The following QSOX1 variants were observed in gnomAD, a reference collection of about 807,000 sequenced individuals.
QSOX1 encodes quiescin sulfhydryl oxidase 1.
Under a neutral mutation model 76.1 loss-of-function variants are expected in QSOX1, and 40 were observed. That is an observed-to-expected ratio of 0.53 (90% CI 0.41 to 0.68). QSOX1 has a LOEUF of 0.68. Among genes scored for constraint, QSOX1 ranks in the 30% least tolerant of loss-of-function variants. QSOX1 has a pLI of 0.00. For synonymous variants in QSOX1, 392 were observed against 413.1 expected, an observed-to-expected ratio of 0.95 and a Z score of 0.62; for missense variants, 931 against 974.3, an observed-to-expected ratio of 0.96 and a Z score of 0.59.
intron 2 of QSOX1, 152 bp from the exon 3 acceptor site, chr1:180,175,169 A>AAT: frequency 1.4e-6 from 1 of 706,350 alleles, no homozygotes; most frequent in Non-Finnish European, 2.4e-6. Context: ...AAAAAAAAAA[A>AAT]GAAAGAAAGA....
chr1:180,203,230 CAAG>C lies in QSOX1; in HGVS notation c.*6197_*6199del, dbSNP rs1284082920. 1 of 152,078 alleles carries C rather than the reference CAAG, an allele frequency of 6.6e-6. No homozygotes were observed. Among genetic ancestry groups the C allele is most frequent in the Non-Finnish European group, 1.5e-5 (1 of 68,034 alleles). The allele number at this position is 152,078 out of a possible 1,614,324, so 9.4% of individuals were successfully genotyped here. A position where few individuals can be genotyped will look rare whatever the true frequency, so the allele number is the denominator to read the frequency against. On this transcript the variant is annotated 3_prime_UTR_variant, in exon 12 of 12. Transcript: ENST00000367602. The stretch of plus-strand genomic sequence containing the variant: ...CATTTATTGACCTGATAAAATGTCC[CAAG>C]AAGGACACATTTTTATAAACATAAG...
At chr1:180,176,910 C>T (rs1488895221) in intron 4 of QSOX1, among the ~76,000 whole-genome samples, 1 of 152,212 alleles carries the variant, frequency 6.6e-6, no homozygotes, top group African/African-American at 2.4e-5. Flanking sequence ...AGACATGGCC[C>T]TGCTGAGAGA....
intron 2 of QSOX1, among the ~76,000 whole-genome samples, chr1:180,169,386 T>G (rs1307625429): frequency 6.6e-6 from 1 of 152,260 alleles, no homozygotes; most frequent in Non-Finnish European, 1.5e-5. Context: ...AGGGCAGGTC[T>G]TCTCTCTTCG....
rs144560523 is a variant in QSOX1 at position 180,175,334 on chromosome 1, T to C, written c.380T>C (p.Phe127Ser). 1.9e-6 allele frequency: 3 copies of C among 1,614,058 alleles called. No homozygotes were observed. The highest frequency in any genetic ancestry group is 2.5e-6 in the Non-Finnish European group (3 of 1,179,958). The change falls in exon 3 of 12, where the codon TTT (phenylalanine) becomes TCT (serine). Residue 127 changes from phenylalanine (F) to serine (S), a missense_variant. By Grantham distance (155) the Phe-to-Ser change is radical. Coordinates refer to ENST00000367602, the MANE Select transcript of QSOX1 (RefSeq NM_002826.5). ...GTTTGCTTCCAGTTCTTCAAGGCCT[T>C]TACCAAGAACGGCTCGGGAGCAGTA... ...GFPTVRFFKA[F>S]TKNGSGAVFP...
At chr1:180,173,979 C>T (rs896993517) in intron 2 of QSOX1, among the ~76,000 whole-genome samples, 4 of 152,190 alleles carry the variant, frequency 2.6e-5, no homozygotes, top group African/African-American at 7.2e-5. Context: ...AGTCCTTGAA[C>T]GAGGTCTGCC....
chr1:180,165,059 C>T (rs902176177), intron 1 of QSOX1, among the ~76,000 whole-genome samples: 4 of 152,228 alleles, frequency 2.6e-5, no homozygotes, highest in African/African-American at 7.2e-5. Flanking sequence ...ATACCTTTCA[C>T]TACCTAATCT....
chr1:180,186,815 T>C (rs1663186220), intron 8 of QSOX1, among the ~76,000 whole-genome samples: 1 of 152,278 alleles, frequency 6.6e-6, no homozygotes, highest in African/African-American at 2.4e-5. Flanking sequence ...TGCCATGCCT[T>C]CGTTCTGCCA....
At chr1:180,161,401 A>T (rs575258609) in intron 1 of QSOX1, among the ~76,000 whole-genome samples, 1 of 152,350 alleles carries the variant, frequency 6.6e-6, no homozygotes, top group African/African-American at 2.4e-5. Flanking sequence ...TTTCACCTGC[A>T]GTACCTATAG....
At position 180,201,569 on chromosome 1, in the gene QSOX1, A is replaced by C. The variant is rs1663639462; in HGVS notation, c.*4532A>C. ...AACTAAACCAAACTTCAAGAGGAGC[A>C]ATTTAATCTTCATACCTGACTCCTT... is the stretch of plus-strand genomic sequence containing the variant. On this transcript the variant is annotated 3_prime_UTR_variant, in exon 12 of 12. Transcript: ENST00000367602. 1 of 152,250 alleles carries C rather than the reference A, an allele frequency of 6.6e-6. No individual in the cohort carries two copies. Among genetic ancestry groups the C allele is most frequent in the African/African-American group, 2.4e-5 (1 of 41,442 alleles). 9.4% of individuals were successfully genotyped at this position (152,250 alleles called of 1,614,324 possible).
At chr1:180,195,538 C>T (rs375321314) in intron 11 of QSOX1, among the ~76,000 whole-genome samples, 19 of 152,332 alleles carry the variant, frequency 1.2e-4, no homozygotes, top group African/African-American at 4.3e-4. Flanking sequence ...GGCAACACTG[C>T]GTGAGGGGCT....
chr1:180,165,759 C>G (rs1662600821), intron 1 of QSOX1, among the ~76,000 whole-genome samples: 1 of 152,244 alleles, frequency 6.6e-6, no homozygotes, highest in South Asian at 2.1e-4. Context: ...AACCTGAGCT[C>G]AGGAGAGCTG....
intron 2 of QSOX1, 29 bp from the exon 3 acceptor site, chr1:180,175,292 C>A (rs1281702608): frequency 6.2e-7 from 1 of 1,612,972 alleles, no homozygotes; most frequent in South Asian, 1.1e-5. Context: ...CTATCTATTA[C>A]TGATGCCCAC....
chr1:180,165,440 C>G (rs886750924), intron 1 of QSOX1, among the ~76,000 whole-genome samples: 2 of 152,252 alleles, frequency 1.3e-5, no homozygotes, highest in Non-Finnish European at 2.9e-5. Flanking sequence ...CCCATGCCTC[C>G]CAAAAACCCT....
intron 1 of QSOX1, among the ~76,000 whole-genome samples, chr1:180,155,735 T>C (rs1262181689): frequency 6.6e-6 from 1 of 152,244 alleles, no homozygotes; most frequent in Admixed American, 6.5e-5. Context: ...GATGTGGGTA[T>C]GTCCACCTGG....
chr1:180,184,041 T>G lies in QSOX1; in HGVS notation c.878T>G (p.Leu293Trp), dbSNP rs771718981. 2 of 1,614,200 alleles carry G rather than the reference T, an allele frequency of 1.2e-6. No homozygotes were observed. Among genetic ancestry groups the G allele is most frequent in the Non-Finnish European group, 1.7e-6 (2 of 1,180,030 alleles). The change falls in exon 7 of 12, where the codon TTG (leucine) becomes TGG (tryptophan). Residue 293 changes from leucine to tryptophan, a missense_variant. Physicochemically the swap from Leu to Trp is moderately conservative, Grantham distance 61. Coordinates refer to ENST00000367602, the MANE Select transcript of QSOX1 (RefSeq NM_002826.5). ...AAGATAGCTCCCACTGTTTGGAAAT[T>G]GGCAGATCGGTAAGGCTACGCCTGG... Reference protein sequence around the residue: ...ANKIAPTVWKLADRSKIYMAD... With the variant: ...ANKIAPTVWKWADRSKIYMAD...
At position 180,185,419 on chromosome 1, in the gene QSOX1, G is replaced by A. The variant is rs201365561; in HGVS notation, c.888-634G>A. Among the ~76,000 whole-genome samples, 4 of 152,344 alleles carry A rather than the reference G, an allele frequency of 2.6e-5. No individual in the cohort carries two copies. The East Asian group carries it at 7.7e-4, about 29-fold the overall frequency. ...CCCTGAGCCTGGACCCCAGCATGAT[G>A]GGCCTGGGGCCAGCATGGAGCCTCC... On this transcript the variant is annotated intron_variant, in intron 7 of 11. Transcript: ENST00000367602.
At chr1:180,171,165 A>G (rs191838658) in intron 2 of QSOX1, among the ~76,000 whole-genome samples, 1 of 152,336 alleles carries the variant, frequency 6.6e-6, no homozygotes, top group East Asian at 1.9e-4. Flanking sequence ...GATTGAGCAT[A>G]CTAAAACTTC....
At chr1:180,190,071 C>T (rs1663271433) in intron 9 of QSOX1, among the ~76,000 whole-genome samples, 1 of 152,230 alleles carries the variant, frequency 6.6e-6, no homozygotes, top group South Asian at 2.1e-4. Context: ...TGGCCCTCTC[C>T]AGGGCACCTT....
intron 2 of QSOX1, among the ~76,000 whole-genome samples, chr1:180,166,951 G>A (rs1009940344): frequency 1.3e-5 from 2 of 152,226 alleles, no homozygotes; most frequent in Non-Finnish European, 2.9e-5. Flanking sequence ...ACCACAGGTA[G>A]CTAAGAAGGG....
Sources: gnomAD v4.1 joint callset for allele counts (sites outside exome capture counted in the v4.1 genomes callset) on GRCh38, gnomAD v4.1.1 for gene constraint, MANE v1.5 for transcripts, NCBI Gene and HGNC (gene_info 2026-07-23, HGNC 2026-07-21) for gene names.